The following ABCC4 variants were observed in gnomAD, a reference collection of about 807,000 sequenced individuals.
The protein encoded by ABCC4 is ATP binding cassette subfamily C member 4 (PEL blood group).
ABCC4 carries 102 observed loss-of-function variants against 168.5 expected under a neutral mutation model. The observed-to-expected ratio is 0.61, with a 90% confidence interval of 0.52 to 0.71. The LOEUF (loss-of-function observed/expected upper bound fraction) is 0.71, where lower values mean the gene tolerates loss of function less well. Among genes scored for constraint, ABCC4 ranks in the 30% least tolerant of loss-of-function variants. ABCC4 has a pLI of 0.00. For synonymous variants in ABCC4, 617 were observed against 590.7 expected, an observed-to-expected ratio of 1.04 and a Z score of -0.65; for missense variants, 1,402 against 1,605.8, an observed-to-expected ratio of 0.87 and a Z score of 2.17.
chr13:95,150,249 G>A (rs538654213), intron 19 of ABCC4, among the ~76,000 whole-genome samples: 16 of 152,206 alleles, frequency 1.1e-4, no homozygotes, highest in Admixed American at 9.8e-4. Flanking sequence ...TATGACATGA[G>A]CCACCATGCC....
chr13:95,157,555 GAGAA>G (rs2036912524), intron 19 of ABCC4, among the ~76,000 whole-genome samples: 1 of 152,020 alleles, frequency 6.6e-6, no homozygotes, highest in Admixed American at 6.6e-5. Flanking sequence ...AGAAAGAAAA[GAGAA>G]AGAGAGAGAG....
At chr13:95,145,658 T>C (rs1285337595) in intron 19 of ABCC4, among the ~76,000 whole-genome samples, 1 of 150,146 alleles carries the variant, frequency 6.7e-6, no homozygotes, top group African/African-American at 2.4e-5. Context: ...TGTATGTTTA[T>C]CATAGCACTA....
At chr13:95,207,615 A>G (rs1465951943) in intron 7 of ABCC4, among the ~76,000 whole-genome samples, 185 bp downstream of exon 7, 1 of 152,208 alleles carries the variant, frequency 6.6e-6, no homozygotes, top group African/African-American at 2.4e-5. Context: ...AACATGGTAA[A>G]TGGAAGACCA....
chr13:95,292,740 A>C (rs2041433194), intron 1 of ABCC4, among the ~76,000 whole-genome samples: 1 of 152,154 alleles, frequency 6.6e-6, no homozygotes, highest in Non-Finnish European at 1.5e-5. Flanking sequence ...CAACCCACTA[A>C]TTCTATGACA....
At chr13:95,196,569 G>A (rs1406877214) in intron 8 of ABCC4, among the ~76,000 whole-genome samples, 2 of 108,392 alleles carry the variant, frequency 1.8e-5, no homozygotes, top group East Asian at 2.2e-4. Context: ...AGGAAAGGAG[G>A]AAAGGAGGAA....
intron 30 of ABCC4, among the ~76,000 whole-genome samples, chr13:95,034,397 C>T (rs1403618371): frequency 6.6e-6 from 1 of 152,216 alleles, no homozygotes; most frequent in Non-Finnish European, 1.5e-5. Context: ...ACACACTCGA[C>T]CCCCCAACCC....
chr13:95,188,405 TATG>T (rs770016235), intron 10 of ABCC4, 45 bp downstream of exon 10: 22 of 1,555,586 alleles, frequency 1.4e-5, no homozygotes, highest in Non-Finnish European at 2.0e-5. Flanking sequence ...ACGAAGTTAA[TATG>T]ATAAGTGGGG....
intron 8 of ABCC4, among the ~76,000 whole-genome samples, chr13:95,195,509 C>G (rs193155778): frequency 6.6e-6 from 1 of 152,162 alleles, no homozygotes; most frequent in South Asian, 2.1e-4. Context: ...CCCTCGTGCA[C>G]GTCAAATTGA....
rs2037274140 is a variant in ABCC4, at chr13:95,166,416, T to A, written c.1825-49A>T. On this transcript the variant is annotated intron_variant, in intron 14 of 30. Coordinates refer to ENST00000645237, the MANE Select transcript of ABCC4 (RefSeq NM_005845.5). ...AGAGAGATACATGTGCAGGTGATAA[T>A]GTTAACCTAATCTAATTCTAATCCA... The A allele has an allele frequency of 3.4e-6, 5 of 1,469,344 alleles. No homozygotes were observed. The South Asian group carries it at 4.8e-5, about 14-fold the overall frequency. The allele number at this position is 1,469,344 out of a possible 1,614,324, so 91.0% of individuals were successfully genotyped here.
At chr13:95,224,314 A>T (rs544349601) in intron 4 of ABCC4, among the ~76,000 whole-genome samples, 2 of 152,226 alleles carry the variant, frequency 1.3e-5, no homozygotes, top group African/African-American at 4.8e-5. Flanking sequence ...CTTTGAAGGG[A>T]GAGGGGCAGA....
intron 8 of ABCC4, among the ~76,000 whole-genome samples, chr13:95,205,341 C>G (rs1390949799): frequency 6.6e-6 from 1 of 152,048 alleles, no homozygotes; most frequent in East Asian, 1.9e-4. Flanking sequence ...ATTCTCTCCC[C>G]TACCAAAAAA....
chr13:95,301,083 C>A (rs955604782), intron 1 of ABCC4, among the ~76,000 whole-genome samples, 158 bp downstream of exon 1: 1 of 152,120 alleles, frequency 6.6e-6, no homozygotes, highest in Non-Finnish European at 1.5e-5. Context: ...GCGGCGCCAC[C>A]CGCAGCAGAA....
At chr13:95,076,675 G>A (rs2139318778) in intron 21 of ABCC4, among the ~76,000 whole-genome samples, 1 of 152,242 alleles carries the variant, frequency 6.6e-6, no homozygotes, top group Admixed American at 6.5e-5. Context: ...ATCTTGGCCA[G>A]GCTGGTCTTG....
At chr13:95,220,239 A>G (rs904712102) in intron 4 of ABCC4, among the ~76,000 whole-genome samples, 16 of 152,144 alleles carry the variant, frequency 1.1e-4, no homozygotes, top group African/African-American at 3.6e-4. Context: ...CTCAAATATG[A>G]CATGTTTCAT....
At chr13:95,039,969 G>A (rs937796740) in intron 29 of ABCC4, among the ~76,000 whole-genome samples, 1 of 152,106 alleles carries the variant, frequency 6.6e-6, no homozygotes, top group Non-Finnish European at 1.5e-5. Context: ...TTCAGAAGTC[G>A]TTTCTGGGCC....
intron 1 of ABCC4, among the ~76,000 whole-genome samples, chr13:95,282,701 A>T (rs925772599): frequency 2.6e-5 from 4 of 151,384 alleles, no homozygotes; most frequent in Non-Finnish European, 5.9e-5. Context: ...TGCCTGGCTA[A>T]TTTTTGTATT....
intron 9 of ABCC4, among the ~76,000 whole-genome samples, chr13:95,189,729 A>T (rs2038195239): frequency 6.6e-6 from 1 of 152,178 alleles, no homozygotes; most frequent in South Asian, 2.1e-4. Flanking sequence ...TTTAACAATA[A>T]CCAAAAACTG....
chr13:95,097,716 C>T (rs147490371), intron 20 of ABCC4, among the ~76,000 whole-genome samples: 51 of 140,456 alleles, frequency 3.6e-4, no homozygotes, highest in African/African-American at 1.2e-3. Context: ...AATATGTTAT[C>T]GAATTACAAC....
intron 1 of ABCC4, among the ~76,000 whole-genome samples, chr13:95,282,684 G>A (rs1263885843): frequency 1.3e-5 from 2 of 151,646 alleles, no homozygotes; most frequent in African/African-American, 4.8e-5. Flanking sequence ...ACAGGTGCAC[G>A]CCATCATGCC....
Sources: allele counts gnomAD v4.1 joint callset (sites outside exome capture counted in the v4.1 genomes callset), GRCh38; gene constraint gnomAD v4.1.1; transcripts MANE v1.5; gene names NCBI Gene and HGNC (gene_info 2026-07-23, HGNC 2026-07-21).